MED13L: variants seen among roughly 807,000 people sequenced by gnomAD.
The protein encoded by MED13L is mediator of RNA polymerase II transcription subunit 13-like.
In MED13L, 7 loss-of-function variants were observed where a neutral mutation model predicts 220.9. The observed-to-expected ratio is 0.03, with a 90% CI of 0.02 to 0.06. The LOEUF (loss-of-function observed/expected upper bound fraction) is 0.06, where lower values mean the gene tolerates loss of function less well. Among genes scored for constraint, MED13L ranks in the 10% least tolerant of loss-of-function variants. The probability of loss-of-function intolerance (pLI) is 1.00; values close to 1 mark genes in which losing one functional copy is unlikely to be tolerated. For synonymous variants in MED13L, 1,011 were observed against 1,015.2 expected (o/e 1.00, Z 0.08); for missense variants, 1,965 against 2,760.5 (o/e 0.71, Z 6.46).
At chr12:115,997,344 T>C (rs185859546) in intron 14 of MED13L, 114 bp from the exon 15 acceptor site, 20 of 781,664 alleles carry the variant, frequency 2.6e-5, no homozygotes, top group East Asian at 1.9e-4. Context: ...AATGATCACA[T>C]CAGTTCACAA....
intron 2 of MED13L, among the ~76,000 whole-genome samples, chr12:116,115,138 T>TA (rs1370187176): frequency 2.0e-5 from 3 of 152,126 alleles, no homozygotes; most frequent in Non-Finnish European, 4.4e-5. Flanking sequence ...CAGAAATACT[T>TA]ACGTCAACCG....
intron 2 of MED13L, among the ~76,000 whole-genome samples, chr12:116,218,798 A>G (rs185892471): frequency 6.8e-4 from 103 of 152,014 alleles, no homozygotes; most frequent in African/African-American, 2.1e-3. Flanking sequence ...CAGTGGTGCA[A>G]TCTCAGCTCA....
chr12:116,221,068 A>T (rs1868393098), intron 2 of MED13L, among the ~76,000 whole-genome samples: 1 of 152,082 alleles, frequency 6.6e-6, no homozygotes, highest in Non-Finnish European at 1.5e-5. Flanking sequence ...AATAAACACA[A>T]AAGAAAGTAT....
rs142967828 is a variant in MED13L at position 115,961,329 on chromosome 12, G to A, written c.6570C>T (p.Ser2190=). The A allele has an allele frequency of 1.9e-6, 3 of 1,614,202 alleles. No homozygotes were observed. Among genetic ancestry groups the A allele is most frequent in the Non-Finnish European group, 1.7e-6 (2 of 1,180,016 alleles). Residue 2190 remains serine, a synonymous_variant, in exon 31 of 31, where the codon TCC becomes TCT. Transcript: ENST00000281928. ...GCACCACAAAGTGGACGGGAAGGCA[G>A]GAAGTACGGTCCTGGGTGGCCGGAT... is the stretch of plus-strand genomic sequence containing the variant. ...TCNPATQDRT[S]CLPVHFVVLT...
chr12:116,007,697 T>C, intron 10 of MED13L, 61 bp from the exon 11 acceptor site: 1 of 1,462,570 alleles, frequency 6.8e-7, no homozygotes, highest in East Asian at 2.3e-5. Context: ...TTTACAAAGT[T>C]TAAACTTTTT....
chr12:116,245,419 T>C, intron 1 of MED13L, among the ~76,000 whole-genome samples: 1 of 152,178 alleles, frequency 6.6e-6, no homozygotes, highest in Non-Finnish European at 1.5e-5. Flanking sequence ...AGCAGATTCT[T>C]AGTCCACCAT....
In MED13L at chr12:116,008,960, T is replaced by C. The variant is rs746939869; in HGVS notation, c.1453A>G (p.Ile485Val). 7 of 1,614,140 alleles carry C rather than the reference T, an allele frequency of 4.3e-6. No individual in the cohort carries two copies. The highest frequency in any genetic ancestry group is 5.9e-6 in the Non-Finnish European group (7 of 1,180,008). The change falls in exon 10 of 31, where the codon ATA becomes GTA. Residue 485 changes from isoleucine (I) to valine (V), a missense_variant. Ile to Val is a conservative substitution (Grantham distance 29). Transcript: ENST00000281928. The part of the protein sequence containing the change: ...KGDKLQKRPL[I>V]PFHHRPSVAE... ...ACAGAGGGCCTATGGTGAAATGGTA[T>C]TAAGGGTCTCTTTTGCAGCTTGTCT... is the stretch of plus-strand genomic sequence containing the variant.
intron 4 of MED13L, among the ~76,000 whole-genome samples, chr12:116,025,204 G>T (rs1592959587): frequency 6.6e-6 from 1 of 152,116 alleles, no homozygotes; most frequent in East Asian, 1.9e-4. Context: ...AATTAAAATG[G>T]ACATCATCAA....
At chr12:116,223,806 T>C (rs186771804) in intron 2 of MED13L, among the ~76,000 whole-genome samples, 9 of 152,308 alleles carry the variant, frequency 5.9e-5, no homozygotes, top group Non-Finnish European at 8.8e-5. Context: ...CAAGAAAATC[T>C]TTCAAATGTG....
intron 1 of MED13L, among the ~76,000 whole-genome samples, chr12:116,239,556 GA>G (rs1870423648): frequency 6.6e-6 from 1 of 151,800 alleles, no homozygotes; most frequent in Non-Finnish European, 1.5e-5. Flanking sequence ...CTATTCATTG[GA>G]AAAAATATAA....
chr12:116,016,873 C>T (rs569428259), intron 7 of MED13L, among the ~76,000 whole-genome samples: 2 of 152,256 alleles, frequency 1.3e-5, no homozygotes, highest in African/African-American at 2.4e-5. Context: ...TAATACTATT[C>T]GGCCCTCCTA....
chr12:116,207,439 G>T (rs1447077694), intron 2 of MED13L, among the ~76,000 whole-genome samples: 15 of 152,266 alleles, frequency 9.9e-5, no homozygotes, highest in African/African-American at 3.1e-4. Context: ...TACTGTCTGT[G>T]TTTGTGTAAG....
chr12:116,218,058 AG>A (rs953674598), intron 2 of MED13L, among the ~76,000 whole-genome samples: 2 of 152,178 alleles, frequency 1.3e-5, no homozygotes, highest in Non-Finnish European at 1.5e-5. Context: ...TCCTCCTCCA[AG>A]TATAAGAGAT....
At chr12:116,020,168 T>C (rs1206298533) in intron 5 of MED13L, among the ~76,000 whole-genome samples, 196 bp from the exon 6 acceptor site, 1 of 152,226 alleles carries the variant, frequency 6.6e-6, no homozygotes, top group East Asian at 1.9e-4. Context: ...TCTCACTATG[T>C]TGCTCAGGCT....
At chr12:116,230,488 C>T (rs915155809) in intron 2 of MED13L, 2 of 984,398 alleles carry the variant, frequency 2.0e-6, no homozygotes, top group African/African-American at 3.5e-5. Context: ...AATGCTGCTG[C>T]AAAATGGTAT....
intron 1 of MED13L, among the ~76,000 whole-genome samples, chr12:116,247,480 C>G (rs1871195765): frequency 6.6e-6 from 1 of 152,170 alleles, no homozygotes; most frequent in South Asian, 2.1e-4. Context: ...CCCAGCTGGA[C>G]AGAGACATCT....
rs5801166 is a variant in MED13L, at chr12:116,137,852, ATT to A, written c.311-26342_311-26341del. 4.9e-3 allele frequency among the ~76,000 whole-genome samples: 575 copies of A among 118,444 alleles called. 1 individual carries two copies. Among genetic ancestry groups the A allele is most frequent in the East Asian group, 0.016 (67 of 4,090 alleles). The allele number at this position is 118,444 out of a possible 152,430, so 77.7% of individuals were successfully genotyped here. A position where few individuals can be genotyped will look rare whatever the true frequency, so the allele number is the denominator to read the frequency against. On this transcript the variant is annotated intron_variant, in intron 2 of 30. Transcript: ENST00000281928. Reference sequence around the variant, plus strand: ...ACTTTTATACCTTTATAATGAGGTAATTTTTTTTTTTTTTTTTTTTTGAGATG... The same window carrying A: ...ACTTTTATACCTTTATAATGAGGTAATTTTTTTTTTTTTTTTTTTGAGATG...
chr12:115,963,793 C>T (rs1409848257), intron 29 of MED13L, among the ~76,000 whole-genome samples: 1 of 152,070 alleles, frequency 6.6e-6, no homozygotes, highest in Non-Finnish European at 1.5e-5. Context: ...CTAGCACACA[C>T]AAAAATACTA....
chr12:116,197,867 T>C (rs1322058826), intron 2 of MED13L, among the ~76,000 whole-genome samples: 2 of 152,116 alleles, frequency 1.3e-5, no homozygotes, highest in African/African-American at 2.4e-5. Flanking sequence ...TTAATCAAAG[T>C]AGTGTAACAT....
Sources: gnomAD v4.1 joint callset for allele counts (sites outside exome capture counted in the v4.1 genomes callset) on GRCh38, gnomAD v4.1.1 for gene constraint, MANE v1.5 for transcripts, NCBI Gene and HGNC (gene_info 2026-07-23, HGNC 2026-07-21) for gene names.